ALDH18A1: variants seen among roughly 807,000 people sequenced by gnomAD.
ALDH18A1 encodes aldehyde dehydrogenase 18 family member A1, also known as delta-1-pyrroline-5-carboxylate synthase.
In ALDH18A1, 44 loss-of-function variants were observed where a neutral mutation model predicts 88.8. The ratio of observed to expected loss-of-function variants is 0.50; its 90% CI spans 0.39 to 0.64. ALDH18A1 has a LOEUF of 0.64. ALDH18A1 is among the 30% of genes least tolerant of loss of function. The pLI is 0.00. For synonymous variants in ALDH18A1, 331 were observed against 372.1 expected, an observed-to-expected ratio of 0.89 and a Z score of 1.27; for missense variants, 782 against 1,009.5, an observed-to-expected ratio of 0.77 and a Z score of 3.05.
chr10:95,608,187 T>C (rs966606133), intron 17 of ALDH18A1, among the ~76,000 whole-genome samples: 1 of 152,244 alleles, frequency 6.6e-6, no homozygotes, highest in Non-Finnish European at 1.5e-5. Flanking sequence ...TGAGCTGGTG[T>C]TGGAAGGACA....
intron 15 of ALDH18A1, 26 bp downstream of exon 15, chr10:95,613,716 A>C: frequency 6.2e-7 from 1 of 1,613,918 alleles, no homozygotes; most frequent in Non-Finnish European, 8.5e-7. Flanking sequence ...ACAGGAAGTA[A>C]TGTACTAGTC....
intron 11 of ALDH18A1, 23 bp downstream of exon 11, chr10:95,625,339 A>T (rs767097515): frequency 7.9e-5 from 127 of 1,605,300 alleles, no homozygotes; most frequent in Non-Finnish European, 1.0e-4. Flanking sequence ...CACAACATTG[A>T]CTTTAAATTG....
chr10:95,641,520 C>CTTT (rs2097891485), intron 3 of ALDH18A1, among the ~76,000 whole-genome samples: 1 of 7,412 alleles, frequency 1.3e-4, no homozygotes, highest in Non-Finnish European at 2.5e-4. Context: ...TCTGCAGGGG[C>CTTT]GGGTGGGGGG....
Position 95,621,196 on chromosome 10 carries a change from G to T in ALDH18A1, c.1302C>A (p.Asn434Lys). The T allele has an allele frequency of 6.2e-7, 1 of 1,614,072 alleles. No homozygotes were observed. Among genetic ancestry groups the T allele is most frequent in the Middle Eastern group, 1.7e-4 (1 of 6,024 alleles). ...KRLSLSTSKLNSLAIGLRQIA... is the reference protein window; with the variant it reads ...KRLSLSTSKLKSLAIGLRQIA... ...TCTGTCGCAGACCGATGGCCAGGCT[G>T]TTCAATTTGGATGTGGAGAGGCTTA... The change falls in exon 12 of 18, where the codon AAC (asparagine) becomes AAA (lysine). Residue 434 changes from asparagine to lysine, a missense_variant. Asn to Lys is a moderately conservative substitution (Grantham distance 94). Coordinates refer to ENST00000371224, the MANE Select transcript of ALDH18A1 (RefSeq NM_002860.4).
In ALDH18A1 at chr10:95,632,974, G is replaced by T. The variant is rs992136731; in HGVS notation, c.793C>A (p.Leu265Ile). The stretch of plus-strand genomic sequence containing the variant: ...TACTTTGTACCTTCTACATCTGAAA[G>T]AACAATCAAGAGATCAGTTTTCATT... ...VEMKTDLLIVLSDVEGLFDSP... is the reference protein window; with the variant it reads ...VEMKTDLLIVISDVEGLFDSP... Residue 265 changes from leucine (L) to isoleucine (I), a missense_variant, in exon 7 of 18, where the codon CTT becomes ATT. Leu to Ile is a conservative substitution (Grantham distance 5). Coordinates refer to ENST00000371224, the MANE Select transcript of ALDH18A1 (RefSeq NM_002860.4). 6.2e-7 allele frequency: 1 copy of T among 1,613,988 alleles called. No individual in the cohort carries two copies. The highest frequency in any genetic ancestry group is 1.3e-5 in the African/African-American group (1 of 74,938).
intron 2 of ALDH18A1, among the ~76,000 whole-genome samples, chr10:95,650,140 C>A (rs117439981): frequency 0.034 from 5,113 of 151,970 alleles, 118 homozygotes; most frequent in Non-Finnish European, 0.049. Context: ...AAAAAACATA[C>A]GAGAAAATCT....
intron 4 of ALDH18A1, 33 bp downstream of exon 4, chr10:95,637,254 A>G (rs2139621625): frequency 6.2e-7 from 1 of 1,614,204 alleles, no homozygotes. Flanking sequence ...AGACCTGAAG[A>G]TCCATTTCAA....
chr10:95,610,225 G>A lies in ALDH18A1; in HGVS notation c.2178C>T (p.Arg726=). The change falls in exon 17 of 18, where the codon CGC becomes CGT. Residue 726 remains arginine, a synonymous_variant. Coordinates refer to ENST00000371224, the MANE Select transcript of ALDH18A1 (RefSeq NM_002860.4). ...GTCCAAAGCGGTAACCATCAGAAAA[G>A]CGAGTGCTGGCATTCCAGAACACAC... ...SACVFWNAST[R]FSDGYRFGLG... is the part of the protein sequence containing the mutation. 1 of 1,614,106 alleles carries A rather than the reference G, an allele frequency of 6.2e-7. No homozygotes were observed. Among genetic ancestry groups the A allele is most frequent in the Non-Finnish European group, 8.5e-7 (1 of 1,179,976 alleles).
intron 2 of ALDH18A1, among the ~76,000 whole-genome samples, chr10:95,652,451 G>A (rs542312992): frequency 2.0e-5 from 3 of 152,348 alleles, no homozygotes; most frequent in Middle Eastern, 3.4e-3. Flanking sequence ...ATAGCATGGG[G>A]CCGGGCACAG....
At chr10:95,644,657 C>G (rs2097898026) in intron 2 of ALDH18A1, among the ~76,000 whole-genome samples, 2 of 152,210 alleles carry the variant, frequency 1.3e-5, no homozygotes, top group Admixed American at 1.3e-4. Flanking sequence ...GGCACACTGC[C>G]ACCAGTCGAA....
intron 2 of ALDH18A1, among the ~76,000 whole-genome samples, chr10:95,648,157 C>T (rs2097904263): frequency 6.6e-6 from 1 of 152,118 alleles, no homozygotes; most frequent in Non-Finnish European, 1.5e-5. Context: ...GAGCCCTCAA[C>T]CTGTGGGCTG....
rs1283928441 is a variant in ALDH18A1, at chr10:95,625,409, C to T, written c.1199G>A (p.Arg400His). Residue 400 changes from arginine to histidine, a missense_variant, in exon 11 of 18, where the codon CGT becomes CAT. Physicochemically the swap from Arg to His is conservative, Grantham distance 29. Transcript: ENST00000371224. Reference sequence around the variant, plus strand: ...TTTGTTGGCTAACAGGATCTCATCACGCTGGTCCGTCAACAGATCAGCCAG... The same window carrying T: ...TTTGTTGGCTAACAGGATCTCATCATGCTGGTCCGTCAACAGATCAGCCAG... ...HHLADLLTDQ[R>H]DEILLANKKD... is the part of the protein sequence containing the mutation. 8.1e-6 allele frequency: 13 copies of T among 1,613,908 alleles called. No homozygotes were observed. The highest frequency in any genetic ancestry group is 1.1e-5 in the South Asian group (1 of 91,084).
At chr10:95,611,102 A>G (rs1245927867) in intron 16 of ALDH18A1, among the ~76,000 whole-genome samples, 154 bp downstream of exon 16, 1 of 152,194 alleles carries the variant, frequency 6.6e-6, no homozygotes, top group Admixed American at 6.5e-5. Context: ...AGTGATGTGA[A>G]AGCACTCATC....
chr10:95,609,196 C>G (rs2097828437), intron 17 of ALDH18A1, among the ~76,000 whole-genome samples: 1 of 152,128 alleles, frequency 6.6e-6, no homozygotes, highest in Non-Finnish European at 1.5e-5. Flanking sequence ...ATACTGGTAC[C>G]CCTGAAAACG....
In ALDH18A1 at chr10:95,655,001, T is replaced by C. The variant is rs1313219715; in HGVS notation, c.-29+1596A>G. Among the ~76,000 whole-genome samples, 6 of 152,226 alleles carry C rather than the reference T, an allele frequency of 3.9e-5. No individual in the cohort carries two copies. The East Asian group carries it at 1.2e-3, about 29-fold the overall frequency. On this transcript the variant is annotated intron_variant, in intron 1 of 17. Transcript: ENST00000371224. Reference sequence around the variant, plus strand: ...TAGCTCATGACTACTGCTTTTCCCATCTGGATTACAAACTTTCCATTGACA... The same window carrying C: ...TAGCTCATGACTACTGCTTTTCCCACCTGGATTACAAACTTTCCATTGACA...
chr10:95,634,910 G>A (rs2097877785), intron 5 of ALDH18A1, among the ~76,000 whole-genome samples: 1 of 151,954 alleles, frequency 6.6e-6, no homozygotes, highest in South Asian at 2.1e-4. Context: ...AGGGAAAGCT[G>A]GAAGCAAATA....
At chr10:95,619,872 G>A (rs1481289159) in intron 12 of ALDH18A1, among the ~76,000 whole-genome samples, 5 of 152,270 alleles carry the variant, frequency 3.3e-5, no homozygotes, top group Admixed American at 3.3e-4. Context: ...CAGGACATAG[G>A]CATGGGCAAG....
At chr10:95,628,278 T>C in intron 8 of ALDH18A1, 90 bp downstream of exon 8, 3 of 1,580,918 alleles carry the variant, frequency 1.9e-6, no homozygotes, top group East Asian at 2.2e-5. Context: ...ATCTGAACCA[T>C]TAACCCCCAA....
intron 13 of ALDH18A1, among the ~76,000 whole-genome samples, chr10:95,614,976 C>T (rs1256404961): frequency 3.3e-5 from 5 of 152,132 alleles, no homozygotes; most frequent in African/African-American, 9.7e-5. Flanking sequence ...ACAGACATAA[C>T]GAACAAATGA....
Sources: allele counts gnomAD v4.1 joint callset (sites outside exome capture counted in the v4.1 genomes callset), GRCh38; gene constraint gnomAD v4.1.1; transcripts MANE v1.5; gene names NCBI Gene and HGNC (gene_info 2026-07-23, HGNC 2026-07-21).